Variants in TMEM196 observed in about 807,000 individuals in gnomAD.
The protein encoded by TMEM196 is transmembrane protein 196.
In TMEM196, 17 loss-of-function variants were observed where a neutral mutation model predicts 20.0. The observed-to-expected ratio is 0.85, with a 90% CI of 0.58 to 1.27. The LOEUF (loss-of-function observed/expected upper bound fraction) is 1.27, where lower values mean the gene tolerates loss of function less well. TMEM196 is among the 50% of genes most tolerant of loss of function. The pLI is 0.00. For synonymous variants in TMEM196, 113 were observed against 88.9 expected, an observed-to-expected ratio of 1.27 and a Z score of -1.52; for missense variants, 267 against 223.0, an observed-to-expected ratio of 1.20 and a Z score of -1.26.
At chr7:19,748,856 TA>T (rs1784858144) in intron 1 of TMEM196, among the ~76,000 whole-genome samples, 1 of 152,154 alleles carries the variant, frequency 6.6e-6, no homozygotes, top group African/African-American at 2.4e-5. Flanking sequence ...AAGACTAGAA[TA>T]AAAAATTACT....
chr7:19,769,008 T>C (rs569976350), intron 1 of TMEM196, among the ~76,000 whole-genome samples: 1 of 152,278 alleles, frequency 6.6e-6, no homozygotes, highest in African/African-American at 2.4e-5. Flanking sequence ...AGCTTATGAT[T>C]TTAGGGTCTC....
chr7:19,748,134 C>T (rs1428443423), intron 1 of TMEM196, among the ~76,000 whole-genome samples: 2 of 151,652 alleles, frequency 1.3e-5, no homozygotes, highest in East Asian at 3.9e-4. Context: ...GCATTGCTTA[C>T]AATGCTATCC....
chr7:19,757,443 A>G (rs1785266199), intron 1 of TMEM196, among the ~76,000 whole-genome samples: 1 of 144,988 alleles, frequency 6.9e-6, no homozygotes, highest in Non-Finnish European at 1.5e-5. Flanking sequence ...TAACCTAGTC[A>G]CTTGACCAGG....
intron 1 of TMEM196, among the ~76,000 whole-genome samples, chr7:19,765,413 A>T (rs1220409884): frequency 6.6e-6 from 1 of 152,164 alleles, no homozygotes; most frequent in Admixed American, 6.5e-5. Context: ...TAGGTATTTA[A>T]TTGAGGTATC....
At chr7:19,771,948 T>A (rs551883648) in intron 1 of TMEM196, among the ~76,000 whole-genome samples, 12 of 152,294 alleles carry the variant, frequency 7.9e-5, no homozygotes, top group African/African-American at 2.9e-4. Context: ...AGGTGAAATA[T>A]CAGAAATGTA....
At chr7:19,752,806 G>A (rs1785041226) in intron 1 of TMEM196, among the ~76,000 whole-genome samples, 1 of 151,894 alleles carries the variant, frequency 6.6e-6, no homozygotes, top group South Asian at 2.1e-4. Flanking sequence ...GTAGAGACAG[G>A]GTTTCACCAT....
chr7:19,734,526 A>G (rs1420314588), intron 1 of TMEM196, among the ~76,000 whole-genome samples: 2 of 152,218 alleles, frequency 1.3e-5, no homozygotes, highest in Non-Finnish European at 2.9e-5. Context: ...AGGGTCATTT[A>G]AGAGGTAGGC....
intron 1 of TMEM196, among the ~76,000 whole-genome samples, chr7:19,768,875 A>C (rs1295240440): frequency 2.6e-5 from 4 of 152,176 alleles, no homozygotes; most frequent in African/African-American, 9.7e-5. Context: ...TCCTTCTCAT[A>C]CATTTTAAGC....
Position 19,772,825 on chromosome 7 carries a change from G to T in TMEM196, c.-129C>A. 1 of 947,996 alleles carries T rather than the reference G, an allele frequency of 1.1e-6. No individual in the cohort carries two copies. Among genetic ancestry groups the T allele is most frequent in the Non-Finnish European group, 1.4e-6 (1 of 711,782 alleles). The allele number at this position is 947,996 out of a possible 1,614,324, so 58.7% of individuals were successfully genotyped here. ...AAACTTTTCTTTCTTCAAGAGCGAG[G>T]CATTATCCACAAGGGCTGGATTTCC... On this transcript the variant is annotated 5_prime_UTR_variant, in exon 1 of 5. Transcript: ENST00000405844.
intron 1 of TMEM196, among the ~76,000 whole-genome samples, chr7:19,736,352 AC>A (rs1301794301): frequency 0.51 from 53,069 of 103,926 alleles, 12,702 homozygotes; most frequent in East Asian, 0.89. Flanking sequence ...AGTGGTTCCT[AC>A]TATATATATA....
At chr7:19,737,613 T>C (rs1432071492) in intron 1 of TMEM196, among the ~76,000 whole-genome samples, 1 of 151,850 alleles carries the variant, frequency 6.6e-6, no homozygotes, top group Non-Finnish European at 1.5e-5. Context: ...CTCAAAGACA[T>C]GGGTAGAATG....
intron 1 of TMEM196, among the ~76,000 whole-genome samples, chr7:19,771,738 C>T (rs558316445): frequency 2.6e-5 from 4 of 152,200 alleles, no homozygotes; most frequent in African/African-American, 7.2e-5. Context: ...AAATGGGTCT[C>T]TAAGGCTTTC....
At chr7:19,730,749 A>T (rs185885640) in intron 1 of TMEM196, among the ~76,000 whole-genome samples, 2 of 152,238 alleles carry the variant, frequency 1.3e-5, no homozygotes, top group African/African-American at 4.8e-5. Context: ...TTAAAAAGCA[A>T]TAAGTAAGGG....
chr7:19,736,126 T>C (rs1562611962), intron 1 of TMEM196, among the ~76,000 whole-genome samples: 1 of 151,892 alleles, frequency 6.6e-6, no homozygotes, highest in Non-Finnish European at 1.5e-5. Context: ...TGAATAGTTT[T>C]ACTCTACTTC....
At chr7:19,743,637 G>A (rs962723194) in intron 1 of TMEM196, among the ~76,000 whole-genome samples, 2 of 152,114 alleles carry the variant, frequency 1.3e-5, no homozygotes, top group Non-Finnish European at 2.9e-5. Context: ...AACTCTATGG[G>A]AAATCAACGA....
intron 1 of TMEM196, among the ~76,000 whole-genome samples, chr7:19,739,479 C>T (rs1275836845): frequency 6.6e-6 from 1 of 152,106 alleles, no homozygotes; most frequent in Admixed American, 6.6e-5. Flanking sequence ...AAGGAGGCCT[C>T]AGAGAGCTTG....
At chr7:19,769,861 A>G (rs1425534319) in intron 1 of TMEM196, among the ~76,000 whole-genome samples, 2 of 152,224 alleles carry the variant, frequency 1.3e-5, no homozygotes, top group African/African-American at 4.8e-5. Flanking sequence ...ACTATTTTAC[A>G]TAAGGGACAT....
rs143255432 is a variant in TMEM196, at chr7:19,756,262, T to C, written c.147+16288A>G. ...TAAAAAGTATTGTCATTTTTCCATG[T>C]AATCAACATAAAACGACTTGAGACA... On this transcript the variant is annotated intron_variant, in intron 1 of 4. Transcript: ENST00000405844. 5.7e-3 allele frequency among the ~76,000 whole-genome samples: 863 copies of C among 152,180 alleles called. 6 individuals are homozygous for C. The highest frequency in any genetic ancestry group is 0.02 in the African/African-American group (829 of 41,490).
At chr7:19,747,384 A>G (rs765743265) in intron 1 of TMEM196, among the ~76,000 whole-genome samples, 65 of 152,334 alleles carry the variant, frequency 4.3e-4, no homozygotes, top group Non-Finnish European at 7.2e-4. Context: ...ATTATATGTC[A>G]TAATTTTAAT....
Sources: allele counts gnomAD v4.1 joint callset (sites outside exome capture counted in the v4.1 genomes callset), GRCh38; gene constraint gnomAD v4.1.1; transcripts MANE v1.5; gene names NCBI Gene and HGNC (gene_info 2026-07-23, HGNC 2026-07-21).